The following MGAT4A variants were observed in gnomAD, a reference collection of about 807,000 sequenced individuals.
The protein encoded by MGAT4A is N-acetylglucosaminyltransferase IVa.
MGAT4A carries 33 observed loss-of-function variants against 74.1 expected under a neutral mutation model. The ratio of observed to expected loss-of-function variants is 0.45; its 90% CI spans 0.34 to 0.60. MGAT4A has a LOEUF of 0.60. Among genes scored for constraint, MGAT4A ranks in the 20% least tolerant of loss-of-function variants. The probability of loss-of-function intolerance (pLI) is 0.02; values close to 1 mark genes in which losing one functional copy is unlikely to be tolerated. For missense variants in MGAT4A, 479 were observed against 628.3 expected, an observed-to-expected ratio of 0.76 and a Z score of 2.54; for synonymous variants, 198 against 210.4, an observed-to-expected ratio of 0.94 and a Z score of 0.51.
At chr2:98,641,248 C>T (rs927408395) in intron 10 of MGAT4A, among the ~76,000 whole-genome samples, 1 of 152,084 alleles carries the variant, frequency 6.6e-6, no homozygotes, top group Non-Finnish European at 1.5e-5. Context: ...TGACTGGGCA[C>T]GGTGGCTCAC....
At chr2:98,671,090 T>G (rs911903842) in intron 4 of MGAT4A, among the ~76,000 whole-genome samples, 15 of 152,122 alleles carry the variant, frequency 9.9e-5, no homozygotes, top group African/African-American at 3.4e-4. Flanking sequence ...AAACCCTGGG[T>G]TCATTCCTGA....
chr2:98,636,346 T>G (rs1427531629), intron 13 of MGAT4A, among the ~76,000 whole-genome samples, 171 bp downstream of exon 13: 1 of 152,158 alleles, frequency 6.6e-6, no homozygotes, highest in Non-Finnish European at 1.5e-5. Flanking sequence ...ATGGGTCAAA[T>G]GCACTCGTCA....
intron 2 of MGAT4A, among the ~76,000 whole-genome samples, chr2:98,713,185 CAAAAAA>C (rs139508612): frequency 4.8e-4 from 26 of 54,230 alleles, no homozygotes; most frequent in Admixed American, 1.7e-3. Flanking sequence ...GATCATGTCT[CAAAAAA>C]AAAAAAAAAA....
intron 2 of MGAT4A, among the ~76,000 whole-genome samples, chr2:98,705,493 A>G (rs2104318752): frequency 6.6e-6 from 1 of 152,298 alleles, no homozygotes; most frequent in Middle Eastern, 3.4e-3. Flanking sequence ...CCCCAGCATG[A>G]CTGTCAACAG....
chr2:98,678,102 C>T (rs1396158374), intron 3 of MGAT4A, among the ~76,000 whole-genome samples: 10 of 150,840 alleles, frequency 6.6e-5, no homozygotes, highest in African/African-American at 1.9e-4. Context: ...TGGTGGCGGG[C>T]GCCTGTAGTC....
chr2:98,634,127 GAGTCAGTGTCTACCA>G (rs1191638725), intron 14 of MGAT4A, among the ~76,000 whole-genome samples: 1 of 152,150 alleles, frequency 6.6e-6, no homozygotes, highest in African/African-American at 2.4e-5. Flanking sequence ...GTTAGTTATT[GAGTCAGTGTCTACCA>G]AGTGACAGGC....
chr2:98,681,852 C>T (rs1702064748), intron 2 of MGAT4A, among the ~76,000 whole-genome samples: 1 of 152,100 alleles, frequency 6.6e-6, no homozygotes, highest in African/African-American at 2.4e-5. Context: ...CTAGAATATT[C>T]TTCTGCCAGC....
intron 2 of MGAT4A, among the ~76,000 whole-genome samples, chr2:98,690,431 C>G (rs1272088559): frequency 6.6e-6 from 1 of 152,206 alleles, no homozygotes. Flanking sequence ...GGAGGAATCC[C>G]TCCCTGCTGG....
chr2:98,622,701 T>A lies in MGAT4A; in HGVS notation c.*2865A>T. 6 of 985,504 alleles carry A rather than the reference T, an allele frequency of 6.1e-6. No homozygotes were observed. Among genetic ancestry groups the A allele is most frequent in the Non-Finnish European group, 7.2e-6 (6 of 830,164 alleles). The allele number at this position is 985,504 out of a possible 1,614,324, so 61.0% of individuals were successfully genotyped here. A position where few individuals can be genotyped will look rare whatever the true frequency, so the allele number is the denominator to read the frequency against. ...AGTGAGAGGCCCTGAGCACCCACCATAGGAGAGGACAGATGAGCAGTATGA... is the reference window on the plus strand; with the variant it reads ...AGTGAGAGGCCCTGAGCACCCACCAAAGGAGAGGACAGATGAGCAGTATGA... On this transcript the variant is annotated 3_prime_UTR_variant, in exon 16 of 16. Transcript: ENST00000393487.
intron 2 of MGAT4A, among the ~76,000 whole-genome samples, chr2:98,711,613 CA>C (rs1005593972): frequency 7.7e-4 from 114 of 147,688 alleles, no homozygotes; most frequent in Non-Finnish European, 1.2e-3. Context: ...GTTTGAAGTT[CA>C]AAAAAAAAAT....
At chr2:98,707,668 G>A (rs537712442) in intron 2 of MGAT4A, among the ~76,000 whole-genome samples, 1 of 152,266 alleles carries the variant, frequency 6.6e-6, no homozygotes, top group East Asian at 1.9e-4. Flanking sequence ...AGCTACAAGA[G>A]AACCAAGGTC....
At chr2:98,712,707 TATCTC>T (rs1347768991) in intron 2 of MGAT4A, among the ~76,000 whole-genome samples, 1 of 152,232 alleles carries the variant, frequency 6.6e-6, no homozygotes, top group Non-Finnish European at 1.5e-5. Context: ...AAAATCATAT[TATCTC>T]ATCTCAACTG....
chr2:98,706,907 A>G (rs1328507757), intron 2 of MGAT4A, among the ~76,000 whole-genome samples: 1 of 147,698 alleles, frequency 6.8e-6, no homozygotes, highest in African/African-American at 2.5e-5. Context: ...AAAAAAAAAA[A>G]GACTAGAAGT....
intron 2 of MGAT4A, among the ~76,000 whole-genome samples, chr2:98,699,417 C>A (rs957352387): frequency 6.6e-6 from 1 of 152,120 alleles, no homozygotes. Context: ...AGCCGAGGAC[C>A]AGCCTTTCAA....
At chr2:98,686,493 GACAA>G (rs1444871259) in intron 2 of MGAT4A, among the ~76,000 whole-genome samples, 1 of 151,548 alleles carries the variant, frequency 6.6e-6, no homozygotes, top group African/African-American at 2.4e-5. Context: ...AACACCTTAA[GACAA>G]ACAAACGATG....
At chr2:98,679,350 G>A (rs1001789490) in intron 2 of MGAT4A, among the ~76,000 whole-genome samples, 5 of 145,514 alleles carry the variant, frequency 3.4e-5, no homozygotes, top group Non-Finnish European at 3.0e-5. Context: ...AGCTTGCAGT[G>A]AGCTGAGATC....
rs1175466751 is a variant in MGAT4A at position 98,675,078 on chromosome 2, T to C, written c.360A>G (p.Gly120=). ...YHLPHLLKNE[G]SLQPAVQIGN... is the part of the protein sequence containing the mutation. ...CAATCTGTACAGCAGGTTGAAGACTTCCTTCATTTTTCAATAAATGAGGCA... is the reference window on the plus strand; with the variant it reads ...CAATCTGTACAGCAGGTTGAAGACTCCCTTCATTTTTCAATAAATGAGGCA... The change falls in exon 4 of 16, where the codon GGA becomes GGG. Residue 120 remains glycine, a synonymous_variant. Transcript: ENST00000393487. 2 of 1,611,402 alleles carry C rather than the reference T, an allele frequency of 1.2e-6. No individual in the cohort carries two copies. The highest frequency in any genetic ancestry group is 1.7e-6 in the Non-Finnish European group (2 of 1,179,378).
chr2:98,623,565 G>A lies in MGAT4A; in HGVS notation c.*2001C>T, dbSNP rs2104205564. ...AATTTGCTCATGGGCACTGGGCCAA[G>A]GAAATTTGAGAAGAAAAAAATTCAA... On this transcript the variant is annotated 3_prime_UTR_variant, in exon 16 of 16. Coordinates refer to ENST00000393487, the MANE Select transcript of MGAT4A (RefSeq NM_012214.3). 1.0e-6 allele frequency: 1 copy of A among 985,244 alleles called. No homozygotes were observed. The highest frequency in any genetic ancestry group is 1.2e-6 in the Non-Finnish European group (1 of 829,894). The allele number at this position is 985,244 out of a possible 1,614,324, so 61.0% of individuals were successfully genotyped here.
At chr2:98,666,058 T>C (rs1008548750) in intron 4 of MGAT4A, among the ~76,000 whole-genome samples, 3 of 152,224 alleles carry the variant, frequency 2.0e-5, no homozygotes, top group Non-Finnish European at 4.4e-5. Context: ...TTTAAGAGAT[T>C]ACCAAATTTC....
Sources: allele counts gnomAD v4.1 joint callset (sites outside exome capture counted in the v4.1 genomes callset), GRCh38; gene constraint gnomAD v4.1.1; transcripts MANE v1.5; gene names NCBI Gene and HGNC (gene_info 2026-07-23, HGNC 2026-07-21).